The following KIRREL3 variants were observed in gnomAD, a reference collection of about 807,000 sequenced individuals.
KIRREL3 encodes the protein kirre like nephrin family adhesion molecule 3.
A neutral mutation model predicts 89.7 loss-of-function variants in KIRREL3; 36 were observed. The ratio of observed to expected loss-of-function variants is 0.40; its 90% CI spans 0.31 to 0.53. The LOEUF is 0.53. KIRREL3 is among the 20% of genes least tolerant of loss of function. KIRREL3 has a pLI of 0.49. For missense variants in KIRREL3, 864 were observed against 1,056.6 expected (o/e 0.82, Z 2.53); for synonymous variants, 445 against 441.4 (o/e 1.01, Z -0.10).
rs566844448 is a variant in KIRREL3 at position 126,491,323 on chromosome 11, G to T, written c.434-17857C>A. On this transcript the variant is annotated intron_variant, in intron 4 of 16. Transcript: ENST00000525144. The surrounding 1 kb of genome is among the most constrained non-coding windows in gnomAD (Gnocchi z 5.5). ...ATGTGAGCCCAAGGAGGGCGGGCGC[G>T]TGCTGGCTCTGAGCGGGTGCTTTAT... Among the ~76,000 whole-genome samples, 1 of 152,228 alleles carries T rather than the reference G, an allele frequency of 6.6e-6. No homozygotes were observed. Among genetic ancestry groups the T allele is most frequent in the Non-Finnish European group, 1.5e-5 (1 of 68,046 alleles).
In KIRREL3 at chr11:126,940,496, C is replaced by T. The variant is rs1592420441; in HGVS notation, c.55+59959G>A. The stretch of plus-strand genomic sequence containing the variant: ...TTATGAATCCATTAGCTCAGCAGAC[C>T]TTACAAACGGCCTTCACTACTCTGG... On this transcript the variant is annotated intron_variant, in intron 1 of 16. Transcript: ENST00000525144. The surrounding 1 kb of genome is among the most constrained non-coding windows in gnomAD (Gnocchi z 4.6). 2 of 152,144 alleles carry T rather than the reference C, an allele frequency of 1.3e-5. No individual in the cohort carries two copies. The highest frequency in any genetic ancestry group is 3.9e-4 in the East Asian group (2 of 5,190). 9.4% of individuals were successfully genotyped at this position (152,144 alleles called of 1,614,324 possible).
chr11:126,633,604 G>A (rs1226383789), intron 1 of KIRREL3, among the ~76,000 whole-genome samples: 5 of 152,156 alleles, frequency 3.3e-5, no homozygotes, highest in Admixed American at 6.5e-5. Flanking sequence ...CTTCTGCCAT[G>A]AGCGGAAGAT....
At chr11:126,986,470 G>A (rs955056061) in intron 1 of KIRREL3, among the ~76,000 whole-genome samples, 4 of 152,078 alleles carry the variant, frequency 2.6e-5, no homozygotes, top group African/African-American at 9.7e-5. Flanking sequence ...AGCATCTCTG[G>A]TGTACAGCAT....
rs983232031 is a variant in KIRREL3, at chr11:126,624,983, C to T, written c.56-62071G>A. ...CACTGATTGTTGGATGGCATGGGCACGCTTCCCATTATGGAAGCTTGCTGG... is the reference window on the plus strand; with the variant it reads ...CACTGATTGTTGGATGGCATGGGCATGCTTCCCATTATGGAAGCTTGCTGG... On this transcript the variant is annotated intron_variant, in intron 1 of 16. Transcript: ENST00000525144. The surrounding 1 kb of genome is among the most constrained non-coding windows in gnomAD (Gnocchi z 6.0). Among the ~76,000 whole-genome samples, 20 of 152,114 alleles carry T rather than the reference C, an allele frequency of 1.3e-4. No homozygotes were observed. Among genetic ancestry groups the T allele is most frequent in the Admixed American group, 1.2e-3 (18 of 15,272 alleles).
Position 126,424,529 on chromosome 11 carries a change from A to G in KIRREL3, c.*51T>C. Reference sequence around the variant, plus strand: ...GTACCCCTCGTCCCTGGACAACCAGAACGTGCCCTGACCTCTTCCCTGGCC... The same window carrying G: ...GTACCCCTCGTCCCTGGACAACCAGGACGTGCCCTGACCTCTTCCCTGGCC... On this transcript the variant is annotated 3_prime_UTR_variant, in exon 17 of 17. Coordinates refer to ENST00000525144, the MANE Select transcript of KIRREL3 (RefSeq NM_032531.4). 1 of 1,573,940 alleles carries G rather than the reference A, an allele frequency of 6.4e-7. No individual in the cohort carries two copies. The highest frequency in any genetic ancestry group is 1.7e-5 in the Admixed American group (1 of 58,240).
In KIRREL3 at chr11:126,609,600, C is replaced by A. The variant is rs535165854; in HGVS notation, c.56-46688G>T. The stretch of plus-strand genomic sequence containing the variant: ...TAAGCTCAGCTCCTTTCTGGGGGGA[C>A]CTCCGATGCATGCTCACTTGTATAA... On this transcript the variant is annotated intron_variant, in intron 1 of 16. Coordinates refer to ENST00000525144, the MANE Select transcript of KIRREL3 (RefSeq NM_032531.4). The surrounding 1 kb of genome is among the most constrained non-coding windows in gnomAD (Gnocchi z 5.0). 5.9e-5 allele frequency among the ~76,000 whole-genome samples: 9 copies of A among 152,212 alleles called. No individual in the cohort carries two copies. In the South Asian group the frequency reaches 1.7e-3, roughly 28 times the overall value.
At chr11:126,759,450 G>A (rs1289070295) in intron 1 of KIRREL3, among the ~76,000 whole-genome samples, 1 of 152,206 alleles carries the variant, frequency 6.6e-6, no homozygotes, top group African/African-American at 2.4e-5. Context: ...TTTAATGCAT[G>A]TCATATATTA....
intron 1 of KIRREL3, among the ~76,000 whole-genome samples, chr11:126,858,232 G>A (rs1384463677): frequency 2.6e-5 from 4 of 152,172 alleles, no homozygotes; most frequent in Admixed American, 6.5e-5. Context: ...GAAGGATGAC[G>A]CACATCCCGT....
intron 1 of KIRREL3, among the ~76,000 whole-genome samples, chr11:126,591,182 G>A (rs1248580880): frequency 6.6e-6 from 1 of 152,108 alleles, no homozygotes; most frequent in Non-Finnish European, 1.5e-5. Flanking sequence ...GCCGTTATTG[G>A]ACCACTGTAC....
rs894455107 is a variant in KIRREL3 at position 126,797,191 on chromosome 11, A to G, written c.55+203264T>C. On this transcript the variant is annotated intron_variant, in intron 1 of 16. Coordinates refer to ENST00000525144, the MANE Select transcript of KIRREL3 (RefSeq NM_032531.4). This position sits in a 1 kb window ranked among gnomAD's most constrained non-coding sequence, Gnocchi z 4.9. ...GGGGCTGTGTTACTGTGCAGGGAATATGAGCCTAGGCTCTGAATATGGGAC... is the reference window on the plus strand; with the variant it reads ...GGGGCTGTGTTACTGTGCAGGGAATGTGAGCCTAGGCTCTGAATATGGGAC... 1.3e-5 allele frequency among the ~76,000 whole-genome samples: 2 copies of G among 152,332 alleles called. No homozygotes were observed. Among genetic ancestry groups the G allele is most frequent in the South Asian group, 4.1e-4 (2 of 4,828 alleles).
Position 126,672,318 on chromosome 11 carries a change from C to T in KIRREL3, c.56-109406G>A, listed in dbSNP as rs182938785. On this transcript the variant is annotated intron_variant, in intron 1 of 16. Coordinates refer to ENST00000525144, the MANE Select transcript of KIRREL3 (RefSeq NM_032531.4). ...GGTATGTTTAAGAGATACATGAAAC[C>T]AGCAGGACAGGGTGGTGCTGACATC... Among the ~76,000 whole-genome samples the T allele has an allele frequency of 2.8e-4, 42 of 152,192 alleles. No homozygotes were observed. The East Asian group carries it at 7.9e-3, about 29-fold the overall frequency.
In KIRREL3 at chr11:126,681,363, C is replaced by T. The variant is rs56351532; in HGVS notation, c.56-118451G>A. Among the ~76,000 whole-genome samples, 1,103 of 152,286 alleles carry T rather than the reference C, an allele frequency of 7.2e-3. 9 individuals carry two copies. The highest frequency in any genetic ancestry group is 0.024 in the Middle Eastern group (7 of 294). On this transcript the variant is annotated intron_variant, in intron 1 of 16. Transcript: ENST00000525144. Reference sequence around the variant, plus strand: ...TGATTGATGTGCAGGAGACAGAAATCATTCTGAGTTTTATTTATGTTATTG... The same window carrying T: ...TGATTGATGTGCAGGAGACAGAAATTATTCTGAGTTTTATTTATGTTATTG...
rs947877572 is a variant in KIRREL3 at position 126,615,450 on chromosome 11, T to G, written c.56-52538A>C. Among the ~76,000 whole-genome samples the G allele has an allele frequency of 2.0e-5, 3 of 151,998 alleles. No homozygotes were observed. Among genetic ancestry groups the G allele is most frequent in the African/African-American group, 7.2e-5 (3 of 41,380 alleles). ...TTAAGGAAACCAGAGCTTTGGGAGG[T>G]TAAGGAATGGGCAAAATCACAGCCA... On this transcript the variant is annotated intron_variant, in intron 1 of 16. Transcript: ENST00000525144. This position sits in a 1 kb window ranked among gnomAD's most constrained non-coding sequence, Gnocchi z 5.4.
chr11:126,848,236 A>G (rs1944214442), intron 1 of KIRREL3, among the ~76,000 whole-genome samples: 1 of 152,252 alleles, frequency 6.6e-6, no homozygotes, highest in Non-Finnish European at 1.5e-5. Context: ...GAGTTTCATC[A>G]AAGCCAATTT....
In KIRREL3 at chr11:126,563,491, G is replaced by A. The variant is rs1488962989; in HGVS notation, c.56-579C>T. Among the ~76,000 whole-genome samples the A allele has an allele frequency of 6.6e-6, 1 of 152,172 alleles. No homozygotes were observed. The highest frequency in any genetic ancestry group is 1.9e-4 in the East Asian group (1 of 5,200). ...AGAAGAGCTCTCTCTACCTTTTGGA[G>A]AGGGTGCGTTTCTGGTGCTAGAGAT... On this transcript the variant is annotated intron_variant, in intron 1 of 16. Transcript: ENST00000525144. The surrounding 1 kb of genome is among the most constrained non-coding windows in gnomAD (Gnocchi z 6.8).
chr11:126,932,950 G>A (rs1311684675), intron 1 of KIRREL3, among the ~76,000 whole-genome samples: 7 of 152,088 alleles, frequency 4.6e-5, no homozygotes, highest in South Asian at 4.2e-4. Context: ...AAGACACTTC[G>A]CTGGAGAGAA....
Position 126,425,624 on chromosome 11 carries a change from G to A in KIRREL3, c.1893+14C>T, listed in dbSNP as rs3212316. 312 of 1,564,636 alleles carry A rather than the reference G, an allele frequency of 2.0e-4. No individual in the cohort carries two copies. In the African/African-American group the frequency reaches 3.7e-3, roughly 19 times the overall value. On this transcript the variant is annotated intron_variant, in intron 16 of 16. Transcript: ENST00000525144. ...ATTCCATGGCTGTGTCTTATAACCCGGGGCCCTTCTTACCTTCAGGTTCTG... is the reference window on the plus strand; with the variant it reads ...ATTCCATGGCTGTGTCTTATAACCCAGGGCCCTTCTTACCTTCAGGTTCTG...
intron 1 of KIRREL3, among the ~76,000 whole-genome samples, chr11:126,926,135 G>C (rs1947704413): frequency 6.6e-6 from 1 of 152,174 alleles, no homozygotes; most frequent in South Asian, 2.1e-4. Flanking sequence ...GAGATGATTG[G>C]TAAGAAGAAC....
At chr11:126,738,876 C>A (rs1425975685) in intron 1 of KIRREL3, among the ~76,000 whole-genome samples, 1 of 152,230 alleles carries the variant, frequency 6.6e-6, no homozygotes, top group African/African-American at 2.4e-5. Flanking sequence ...CCAGACAATC[C>A]TCACAGGCAG....
Sources: allele counts gnomAD v4.1 joint callset (sites outside exome capture counted in the v4.1 genomes callset), GRCh38; gene constraint gnomAD v4.1.1; non-coding constraint Gnocchi (gnomAD v3.1); transcripts MANE v1.5; gene names NCBI Gene and HGNC (gene_info 2026-07-23, HGNC 2026-07-21).